Variants in RAP1A observed in about 807,000 individuals in gnomAD.
The protein encoded by RAP1A is RAP1A, member of RAS oncogene family.
Under a neutral mutation model 26.4 loss-of-function variants are expected in RAP1A, and 6 were observed. The ratio of observed to expected loss-of-function variants is 0.23; its 90% CI spans 0.12 to 0.45. The LOEUF (loss-of-function observed/expected upper bound fraction) is 0.45, where lower values mean the gene tolerates loss of function less well. Ranked by LOEUF, RAP1A falls within the 20% of genes least tolerant of loss-of-function variation. The probability of loss-of-function intolerance (pLI) is 0.99; values close to 1 mark genes in which losing one functional copy is unlikely to be tolerated. For missense variants in RAP1A, 121 were observed against 217.2 expected, an observed-to-expected ratio of 0.56 and a Z score of 2.78; for synonymous variants, 73 against 79.4, an observed-to-expected ratio of 0.92 and a Z score of 0.43.
chr1:111,575,589 C>T (rs980819618), intron 1 of RAP1A, among the ~76,000 whole-genome samples: 2 of 152,158 alleles, frequency 1.3e-5, no homozygotes, highest in East Asian at 1.9e-4. Context: ...AGTCAACCCC[C>T]AATACCTCCA....
intron 1 of RAP1A, among the ~76,000 whole-genome samples, chr1:111,573,040 G>A (rs2101056181): frequency 6.6e-6 from 1 of 152,226 alleles, no homozygotes; most frequent in Admixed American, 6.5e-5. Context: ...AAGGATAATG[G>A]CCTCCAGCTC....
At chr1:111,601,161 G>A (rs1658662659) in intron 1 of RAP1A, among the ~76,000 whole-genome samples, 1 of 152,194 alleles carries the variant, frequency 6.6e-6, no homozygotes, top group Non-Finnish European at 1.5e-5. Flanking sequence ...TAACCTCGAT[G>A]ACAATGTTCA....
chr1:111,600,594 C>T (rs1658653341), intron 1 of RAP1A, among the ~76,000 whole-genome samples: 1 of 152,160 alleles, frequency 6.6e-6, no homozygotes, highest in Non-Finnish European at 1.5e-5. Flanking sequence ...TTCCCCATTC[C>T]CTTTGAAATT....
intron 1 of RAP1A, among the ~76,000 whole-genome samples, chr1:111,585,021 T>C (rs1658335106): frequency 6.6e-6 from 1 of 152,172 alleles, no homozygotes; most frequent in South Asian, 2.1e-4. Flanking sequence ...GGCAAATCAA[T>C]AGAATGTTTC....
At chr1:111,584,388 G>A (rs1658321363) in intron 1 of RAP1A, among the ~76,000 whole-genome samples, 2 of 152,122 alleles carry the variant, frequency 1.3e-5, no homozygotes, top group South Asian at 4.1e-4. Flanking sequence ...GGTAGTCCAA[G>A]ATCAAGGTGC....
At chr1:111,544,174 T>A (rs1224025641) in intron 1 of RAP1A, among the ~76,000 whole-genome samples, 2 of 152,224 alleles carry the variant, frequency 1.3e-5, no homozygotes, top group Admixed American at 6.5e-5. Context: ...TACGCAGGCA[T>A]AAAATCTAAA....
chr1:111,543,784 G>T (rs1217857412), intron 1 of RAP1A, among the ~76,000 whole-genome samples: 1 of 152,076 alleles, frequency 6.6e-6, no homozygotes, highest in Non-Finnish European at 1.5e-5. Flanking sequence ...AACAAAAATA[G>T]CATTACCCCT....
intron 1 of RAP1A, among the ~76,000 whole-genome samples, chr1:111,623,528 T>G (rs964286751): frequency 7.2e-5 from 11 of 152,224 alleles, no homozygotes; most frequent in Admixed American, 4.6e-4. Context: ...TGCCTTAGCC[T>G]CCTGAGTAAC....
intron 1 of RAP1A, among the ~76,000 whole-genome samples, chr1:111,552,305 T>C (rs1290206689): frequency 2.6e-5 from 4 of 152,194 alleles, no homozygotes; most frequent in Non-Finnish European, 1.5e-5. Flanking sequence ...CAAGTGGCTA[T>C]CTGCCACTGA....
intron 1 of RAP1A, among the ~76,000 whole-genome samples, chr1:111,644,791 G>A (rs1048409383): frequency 6.6e-6 from 1 of 152,138 alleles, no homozygotes; most frequent in African/African-American, 2.4e-5. Flanking sequence ...TGGGGAAGGG[G>A]GAGGGTCATA....
chr1:111,572,003 AG>A, intron 1 of RAP1A, among the ~76,000 whole-genome samples: 1 of 116,230 alleles, frequency 8.6e-6, no homozygotes, highest in African/African-American at 3.3e-5. Context: ...CAGGGGCTGC[AG>A]CACAGTGCCC....
intron 1 of RAP1A, among the ~76,000 whole-genome samples, chr1:111,656,417 A>T (rs898760964): frequency 1.3e-5 from 2 of 152,126 alleles, no homozygotes; most frequent in African/African-American, 4.8e-5. Flanking sequence ...TTGAAACCAC[A>T]TTCCCCTTTC....
chr1:111,634,889 C>A (rs959609857), intron 1 of RAP1A, among the ~76,000 whole-genome samples: 3 of 152,082 alleles, frequency 2.0e-5, no homozygotes, highest in Admixed American at 1.3e-4. Context: ...ATGATCTACC[C>A]GCCTCGGCCT....
rs115058371 is a variant in RAP1A, at chr1:111,713,432, C to T, written c.*1031C>T. ...TATATGTAAAAAGATAAGTTTAATA[C>T]TGTATCAGGGTTTAACTTTTACTAT... On this transcript the variant is annotated 3_prime_UTR_variant, in exon 8 of 8. Coordinates refer to ENST00000369709, the MANE Select transcript of RAP1A (RefSeq NM_002884.4). 13 of 152,208 alleles carry T rather than the reference C, an allele frequency of 8.5e-5. No homozygotes were observed. The highest frequency in any genetic ancestry group is 3.1e-4 in the African/African-American group (13 of 41,544). The allele number at this position is 152,208 out of a possible 1,614,324, so 9.4% of individuals were successfully genotyped here.
intron 1 of RAP1A, among the ~76,000 whole-genome samples, chr1:111,635,383 T>C (rs1188519946): frequency 2.0e-5 from 3 of 152,260 alleles, no homozygotes; most frequent in African/African-American, 7.2e-5. Context: ...CAAAACACTT[T>C]GCAAAAGTTT....
chr1:111,649,557 G>C, intron 1 of RAP1A: 1 of 243,828 alleles, frequency 4.1e-6, no homozygotes, highest in Non-Finnish European at 8.4e-6. Flanking sequence ...TGCTCTCTGG[G>C]GAGGAGAGTG....
intron 1 of RAP1A, among the ~76,000 whole-genome samples, chr1:111,560,303 G>A (rs546912514): frequency 4.1e-4 from 62 of 151,932 alleles, no homozygotes; most frequent in African/African-American, 1.3e-3. Flanking sequence ...AATCTAGAAT[G>A]GAGAGTGAGG....
chr1:111,652,553 T>TA (rs1299127782), intron 1 of RAP1A, among the ~76,000 whole-genome samples: 1 of 152,140 alleles, frequency 6.6e-6, no homozygotes, highest in Non-Finnish European at 1.5e-5. Flanking sequence ...ATAAAACATT[T>TA]ACCATCTAGC....
chr1:111,662,107 C>G (rs1040105613), intron 1 of RAP1A, among the ~76,000 whole-genome samples: 3 of 151,684 alleles, frequency 2.0e-5, no homozygotes, highest in African/African-American at 7.3e-5. Context: ...AAAAAATTAA[C>G]TTGATTGGCC....
Sources: gnomAD v4.1 joint callset for allele counts (sites outside exome capture counted in the v4.1 genomes callset) on GRCh38, gnomAD v4.1.1 for gene constraint, MANE v1.5 for transcripts, NCBI Gene and HGNC (gene_info 2026-07-23, HGNC 2026-07-21) for gene names.